Variants in ANKFY1 observed in about 807,000 individuals in gnomAD.
ANKFY1 encodes the protein ankyrin repeat and FYVE domain-containing protein 1.
ANKFY1 carries 47 observed loss-of-function variants against 128.3 expected under a neutral mutation model. That is an observed-to-expected ratio of 0.37 (90% CI 0.29 to 0.47). The LOEUF is 0.47. Ranked by LOEUF, ANKFY1 falls within the 20% of genes least tolerant of loss-of-function variation. ANKFY1 has a pLI of 1.00. For synonymous variants in ANKFY1, 553 were observed against 601.6 expected, an observed-to-expected ratio of 0.92 and a Z score of 1.18; for missense variants, 1,222 against 1,510.6, an observed-to-expected ratio of 0.81 and a Z score of 3.17.
intron 11 of ANKFY1, 59 bp from the exon 12 acceptor site, chr17:4,185,105 C>T (rs370089583): frequency 2.3e-4 from 347 of 1,503,216 alleles, no homozygotes; most frequent in South Asian, 1.9e-3. Flanking sequence ...TCACAAAGAG[C>T]GTGGCAGCCT....
chr17:4,173,974 G>C lies in ANKFY1; in HGVS notation c.2858C>G (p.Thr953Ser), dbSNP rs768124691. 17 of 1,614,110 alleles carry C rather than the reference G, an allele frequency of 1.1e-5. No individual in the cohort carries two copies. In the South Asian group the frequency reaches 1.9e-4, roughly 18 times the overall value. Residue 953 changes from threonine (T) to serine (S), a missense_variant, in exon 20 of 25, where the codon ACC (threonine) becomes AGC (serine). Transcript: ENST00000341657. ...LHLAAQQDLP[T>S]ICSVLLENGV... ...ATTCTCTAGGAGGACTGAGCAGATG[G>C]TGGGCAGGTCCTGCTGGGCAGCAAG... is the stretch of plus-strand genomic sequence containing the variant.
rs1000403532 is a variant in ANKFY1, at chr17:4,195,097, T to G, written c.1253A>C (p.Gln418Pro). Residue 418 changes from glutamine (Q) to proline (P), a missense_variant, in exon 10 of 25, where the codon CAG becomes CCG. Coordinates refer to ENST00000341657, the MANE Select transcript of ANKFY1 (RefSeq NM_001330063.2). Reference protein sequence around the residue: ...AVQHITVSSDQSVNPFEDVPV... With the variant: ...AVQHITVSSDPSVNPFEDVPV... ...GACATCTTCGAAGGGGTTCACAGACTGGTCAGAAGACACTGTGATATGCTG... is the reference window on the plus strand; with the variant it reads ...GACATCTTCGAAGGGGTTCACAGACGGGTCAGAAGACACTGTGATATGCTG... 1.9e-5 allele frequency: 31 copies of G among 1,614,092 alleles called. No homozygotes were observed. Among genetic ancestry groups the G allele is most frequent in the Non-Finnish European group, 2.4e-5 (28 of 1,180,050 alleles).
intron 13 of ANKFY1, 46 bp downstream of exon 13, chr17:4,183,766 G>A (rs769383828): frequency 6.4e-7 from 1 of 1,559,206 alleles, no homozygotes; most frequent in South Asian, 1.1e-5. Context: ...CCCCACTTCG[G>A]ACAGCTGTCT....
intron 3 of ANKFY1, among the ~76,000 whole-genome samples, chr17:4,228,197 G>T (rs558132789): frequency 2.6e-5 from 4 of 152,190 alleles, no homozygotes; most frequent in Admixed American, 2.0e-4. Context: ...ATACTAAGGT[G>T]TGGGGTGAAT....
chr17:4,263,694 G>A, intron 1 of ANKFY1: 2 of 1,515,502 alleles, frequency 1.3e-6, no homozygotes, highest in Non-Finnish European at 1.8e-6. Flanking sequence ...CTGCCAGCCC[G>A]GCTCCGCAGC....
At chr17:4,230,449 T>C (rs1171107113) in intron 3 of ANKFY1, among the ~76,000 whole-genome samples, 4 of 152,214 alleles carry the variant, frequency 2.6e-5, no homozygotes, top group African/African-American at 9.6e-5. Flanking sequence ...CAGCTGCTAC[T>C]GGTAAAGTGC....
rs1405106379 is a variant in ANKFY1 at position 4,181,440 on chromosome 17, G to T, written c.2122-68C>A. On this transcript the variant is annotated intron_variant, in intron 15 of 24. Coordinates refer to ENST00000341657, the MANE Select transcript of ANKFY1 (RefSeq NM_001330063.2). This position sits in a 1 kb window ranked among gnomAD's most constrained non-coding sequence, Gnocchi z 4.9. ...GGCAAACAGTTTTATTACCAAGTCT[G>T]AGCTCTATGTATAGCATTAAATCCA... 9.2e-7 allele frequency: 1 copy of T among 1,088,408 alleles called. No homozygotes were observed. The allele number at this position is 1,088,408 out of a possible 1,614,324, so 67.4% of individuals were successfully genotyped here.
chr17:4,219,885 G>T (rs1290049068), intron 3 of ANKFY1, among the ~76,000 whole-genome samples: 1 of 151,914 alleles, frequency 6.6e-6, no homozygotes, highest in Admixed American at 6.6e-5. Context: ...GCAGTGGCGC[G>T]ATCTGAGCTC....
At chr17:4,171,551 A>G (rs1283305610) in intron 22 of ANKFY1, among the ~76,000 whole-genome samples, 2 of 152,320 alleles carry the variant, frequency 1.3e-5, no homozygotes, top group Middle Eastern at 3.4e-3. Context: ...GAATGCACCC[A>G]GTCACCCTGC....
intron 22 of ANKFY1, 56 bp from the exon 23 acceptor site, chr17:4,170,917 A>G: frequency 6.2e-7 from 1 of 1,611,910 alleles, no homozygotes; most frequent in Non-Finnish European, 8.5e-7. Context: ...CCCGGCAGCC[A>G]CAGACGGAGG....
chr17:4,263,021 T>C (rs1207610361), intron 1 of ANKFY1, among the ~76,000 whole-genome samples: 1 of 152,002 alleles, frequency 6.6e-6, no homozygotes, highest in East Asian at 1.9e-4. Flanking sequence ...AAAGGTCAAA[T>C]AAGGAATACT....
At chr17:4,263,740 G>A (rs1246935221) in intron 1 of ANKFY1, 192 bp downstream of exon 1, 22 of 1,493,408 alleles carry the variant, frequency 1.5e-5, no homozygotes, top group Non-Finnish European at 1.6e-5. Flanking sequence ...TCGCGGGAGG[G>A]ACGTTGTCAT....
chr17:4,173,311 C>T (rs754306360), intron 21 of ANKFY1, 43 bp downstream of exon 21: 1 of 1,585,234 alleles, frequency 6.3e-7, no homozygotes, highest in Admixed American at 1.7e-5. Flanking sequence ...CTCTGAGCAG[C>T]AGGCCAGGCG....
At chr17:4,261,915 A>T (rs1199698770) in intron 1 of ANKFY1, among the ~76,000 whole-genome samples, 1 of 152,368 alleles carries the variant, frequency 6.6e-6, no homozygotes, top group Middle Eastern at 3.4e-3. Context: ...TGATTTACTC[A>T]AAAAGCAACT....
intron 23 of ANKFY1, among the ~76,000 whole-genome samples, chr17:4,170,374 G>T (rs1386565539): frequency 6.6e-6 from 1 of 152,196 alleles, no homozygotes; most frequent in Non-Finnish European, 1.5e-5. Context: ...CATTTTGAAG[G>T]TTCTGGAGGA....
intron 10 of ANKFY1, among the ~76,000 whole-genome samples, chr17:4,193,110 T>C (rs1379422643): frequency 6.6e-6 from 1 of 152,200 alleles, no homozygotes; most frequent in African/African-American, 2.4e-5. Flanking sequence ...TAAGAATATG[T>C]AAGATTTGAA....
At chr17:4,261,352 T>C (rs1267527125) in intron 1 of ANKFY1, among the ~76,000 whole-genome samples, 1 of 152,066 alleles carries the variant, frequency 6.6e-6, no homozygotes, top group Admixed American at 6.6e-5. Flanking sequence ...TGATGGCGGG[T>C]GCCTGTAATC....
At chr17:4,262,396 G>A (rs1043112590) in intron 1 of ANKFY1, among the ~76,000 whole-genome samples, 10 of 152,132 alleles carry the variant, frequency 6.6e-5, no homozygotes, top group Non-Finnish European at 1.3e-4. Context: ...CGAGTACCTG[G>A]AATTACAGAC....
At position 4,179,845 on chromosome 17, in the gene ANKFY1, C is replaced by A. The variant is rs1284383065; in HGVS notation, c.2273G>T (p.Gly758Val). ...GCDVNSPRQP[G>V]ANGEGEEEAR... is the part of the protein sequence containing the mutation. Reference sequence around the variant, plus strand: ...CTCTTCCTCTCCTTCTCCATTGGCGCCTGGTTGTCTGGGACTGTTCACGTC... The same window carrying A: ...CTCTTCCTCTCCTTCTCCATTGGCGACTGGTTGTCTGGGACTGTTCACGTC... The change falls in exon 17 of 25, where the codon GGC becomes GTC. Residue 758 changes from glycine to valine, a missense_variant. Gly to Val is a moderately radical substitution (Grantham distance 109). Transcript: ENST00000341657. 9 of 1,614,114 alleles carry A rather than the reference C, an allele frequency of 5.6e-6. No homozygotes were observed. The East Asian group carries it at 8.9e-5, about 16-fold the overall frequency.
Sources: gnomAD v4.1 joint callset for allele counts (sites outside exome capture counted in the v4.1 genomes callset) on GRCh38, gnomAD v4.1.1 for gene constraint, Gnocchi (gnomAD v3.1) non-coding constraint, MANE v1.5 for transcripts, NCBI Gene and HGNC (gene_info 2026-07-23, HGNC 2026-07-21) for gene names.